TOR2A: variants seen among roughly 807,000 people sequenced by gnomAD.
TOR2A encodes the protein torsin family 2 member A, also known as prosalusin.
TOR2A carries 24 observed loss-of-function variants against 28.6 expected under a neutral mutation model. That is an observed-to-expected ratio of 0.84 (90% CI 0.61 to 1.18). The LOEUF (loss-of-function observed/expected upper bound fraction) is 1.18, where lower values mean the gene tolerates loss of function less well. TOR2A is among the 50% of genes most tolerant of loss of function. The probability of loss-of-function intolerance (pLI) is 0.00; values close to 1 mark genes in which losing one functional copy is unlikely to be tolerated. For missense variants in TOR2A, 426 were observed against 448.1 expected (o/e 0.95, Z 0.45); for synonymous variants, 203 against 203.1 (o/e 1.00, Z 0.00).
Position 127,731,530 on chromosome 9 carries a change from C to T in TOR2A, c.*504G>A. 1.2e-5 allele frequency: 17 copies of T among 1,465,378 alleles called. No individual in the cohort carries two copies. The highest frequency in any genetic ancestry group is 1.4e-5 in the Non-Finnish European group (16 of 1,110,960). 90.8% of individuals were successfully genotyped at this position (1,465,378 alleles called of 1,614,324 possible). ...AAAGTCTTAGCAACAGTCCTCTGGT[C>T]CCACAGCTGAGTTTATTATACTTGT... On this transcript the variant is annotated 3_prime_UTR_variant, in exon 5 of 5. Transcript: ENST00000373284.
chr9:127,732,980 C>G, intron 3 of TOR2A: 1 of 1,380,314 alleles, frequency 7.2e-7, no homozygotes, highest in Non-Finnish European at 9.5e-7. Context: ...TTATTGGCCC[C>G]GCTGTTCAGA....
chr9:127,732,421 C>A (rs1844478386), intron 4 of TOR2A, 143 bp from the exon 5 acceptor site: 2 of 1,447,768 alleles, frequency 1.4e-6, no homozygotes, highest in Admixed American at 5.4e-5. Context: ...GGCTGTAAGG[C>A]TCACCCAAAG....
chr9:127,733,000 AGAGGCT>A, intron 3 of TOR2A: 3 of 1,372,894 alleles, frequency 2.2e-6, no homozygotes, highest in African/African-American at 1.5e-5. Flanking sequence ...AAGCAGAGAC[AGAGGCT>A]CAGAGAGGCG....
At chr9:127,732,941 T>C in intron 3 of TOR2A, 1 of 1,406,522 alleles carries the variant, frequency 7.1e-7, no homozygotes, top group South Asian at 1.6e-5. Context: ...TTTCCCTCAC[T>C]GAACTTCCAG....
intron 2 of TOR2A, 158 bp from the exon 3 acceptor site, chr9:127,733,718 T>G (rs986383490): frequency 1.4e-6 from 1 of 711,518 alleles, no homozygotes; most frequent in Non-Finnish European, 2.3e-6. Flanking sequence ...GTATCCCAGA[T>G]TGGGGCAGAG....
At position 127,733,225 on chromosome 9, in the gene TOR2A, C is replaced by T. The variant is rs145839711; in HGVS notation, c.593+160G>A. 1.4e-3 allele frequency: 2,176 copies of T among 1,605,346 alleles called. 3 individuals carry two copies. The highest frequency in any genetic ancestry group is 1.7e-3 in the Non-Finnish European group (2,030 of 1,174,128). On this transcript the variant is annotated intron_variant, in intron 3 of 4. Transcript: ENST00000373284. ...AATGTCCAAAGGGAAATCAACCAGG[C>T]GGAATGACAATGTCATCTCTGAGAG...
intron 3 of TOR2A, 92 bp from the exon 4 acceptor site, chr9:127,732,783 G>T: frequency 6.7e-7 from 1 of 1,499,906 alleles, no homozygotes; most frequent in East Asian, 2.5e-5. Flanking sequence ...CCTGACATAG[G>T]AACATGGCTC....
chr9:127,732,629 C>A lies in TOR2A; in HGVS notation c.656G>T (p.Arg219Leu), dbSNP rs371270860. 10 of 1,574,080 alleles carry A rather than the reference C, an allele frequency of 6.4e-6. 1 individual carries two copies. Among genetic ancestry groups the A allele is most frequent in the African/African-American group, 4.0e-5 (3 of 74,188 alleles). Residue 219 changes from arginine (R) to leucine (L), a missense_variant, in exon 4 of 5, where the codon CGC (arginine) becomes CTC (leucine). Arg to Leu is a moderately radical substitution (Grantham distance 102). Coordinates refer to ENST00000373284, the MANE Select transcript of TOR2A (RefSeq NM_001085347.3). ...CAGCTCCTGCAGGAGGATCTCCTCG[C>A]GGTCCCGCCGGCTGCGCCACGCCTC... The part of the protein sequence containing the change: ...ALEAWRSRRD[R>L]EEILLQELEP...
Position 127,732,053 on chromosome 9 carries a change from C to G in TOR2A, c.947G>C (p.Arg316Pro). 6.2e-7 allele frequency: 1 copy of G among 1,613,406 alleles called. No individual in the cohort carries two copies. The highest frequency in any genetic ancestry group is 1.7e-4 in the Middle Eastern group (1 of 6,060). ...AGAGAGTCAGAGGAAGAAGGCGATTCGGGAGGCCACGGTCTTGCAGCCGTT... is the reference window on the plus strand; with the variant it reads ...AGAGAGTCAGAGGAAGAAGGCGATTGGGGAGGCCACGGTCTTGCAGCCGTT... ...SSNGCKTVAS[R>P]IAFFL Residue 316 changes from arginine to proline, a missense_variant, in exon 5 of 5, where the codon CGA becomes CCA. By Grantham distance (103) the Arg-to-Pro change is moderately radical. Transcript: ENST00000373284.
intron 3 of TOR2A, chr9:127,733,157 AAAG>A: frequency 6.5e-7 from 1 of 1,549,466 alleles, no homozygotes; most frequent in South Asian, 1.2e-5. Flanking sequence ...GGGCTTCCAC[AAAG>A]AAGTGGCGAT....
Position 127,731,683 on chromosome 9 carries a change from G to A in TOR2A, c.*351C>T, listed in dbSNP as rs1333160876. The A allele has an allele frequency of 6.4e-6, 5 of 786,998 alleles. No individual in the cohort carries two copies. In the East Asian group the frequency reaches 1.2e-4, roughly 19 times the overall value. The allele number at this position is 786,998 out of a possible 1,614,324, so 48.8% of individuals were successfully genotyped here. A position where few individuals can be genotyped will look rare whatever the true frequency, so the allele number is the denominator to read the frequency against. ...ACAGGGTGTGGGGTGGAGGGGAGGA[G>A]GTATGGTGCCCGACCAAGGAGGCAA... On this transcript the variant is annotated 3_prime_UTR_variant, in exon 5 of 5. Transcript: ENST00000373284.
Position 127,734,370 on chromosome 9 carries a change from G to A in TOR2A, c.346C>T (p.Arg116Cys), listed in dbSNP as rs757053702. ...LAHYLFQGGLRSPRVHHFSPV... is the reference protein window; with the variant it reads ...LAHYLFQGGLCSPRVHHFSPV... ...GAAAAGTGGTGCACGCGGGGGCTGC[G>A]GAGGCCGCCCTGGAAGAGGTAGTGC... Residue 116 changes from arginine (R) to cysteine (C), a missense_variant, in exon 2 of 5, where the codon CGC becomes TGC. Transcript: ENST00000373284. 10 of 1,612,328 alleles carry A rather than the reference G, an allele frequency of 6.2e-6. No individual in the cohort carries two copies. The African/African-American group carries it at 8.0e-5, about 13-fold the overall frequency.
intron 3 of TOR2A, 75 bp downstream of exon 3, chr9:127,733,310 C>A (rs750627759): frequency 2.5e-6 from 4 of 1,613,386 alleles, no homozygotes; most frequent in Middle Eastern, 1.6e-4. Context: ...CTGCTGGGAG[C>A]ACAGGCTAAG....
rs114990094 is a variant in TOR2A, at chr9:127,732,207, G to T, written c.793C>A (p.Arg265=). 1 of 1,611,914 alleles carries T rather than the reference G, an allele frequency of 6.2e-7. No homozygotes were observed. Among genetic ancestry groups the T allele is most frequent in the Non-Finnish European group, 8.5e-7 (1 of 1,179,086 alleles). The part of the protein sequence containing the change: ...DAVVPFLPLQ[R]HHVRHCVLNE... ...AGCACGCAGTGCCGGACGTGGTGCC[G>T]CTGGAGCGGGAGGAAGGGCACCACT... The change falls in exon 5 of 5, where the codon CGG becomes AGG. Residue 265 remains arginine, a synonymous_variant. Coordinates refer to ENST00000373284, the MANE Select transcript of TOR2A (RefSeq NM_001085347.3).
At chr9:127,732,928 G>A in intron 3 of TOR2A, 1 of 1,411,582 alleles carries the variant, frequency 7.1e-7, no homozygotes, top group African/African-American at 1.4e-5. Flanking sequence ...TCCCTCAACT[G>A]ACTTTCCCTC....
Position 127,734,383 on chromosome 9 carries a change from G to A in TOR2A, c.333C>T (p.Phe111=), listed in dbSNP as rs920387640. 5 of 1,612,640 alleles carry A rather than the reference G, an allele frequency of 3.1e-6. No homozygotes were observed. The African/African-American group carries it at 6.7e-5, about 22-fold the overall frequency. Residue 111 remains phenylalanine, a synonymous_variant, in exon 2 of 5, where the codon TTC becomes TTT. Coordinates refer to ENST00000373284, the MANE Select transcript of TOR2A (RefSeq NM_001085347.3). ...YVSSLLAHYL[F]QGGLRSPRVH... is the part of the protein sequence containing the mutation. The stretch of plus-strand genomic sequence containing the variant: ...CGCGGGGGCTGCGGAGGCCGCCCTG[G>A]AAGAGGTAGTGCGCCAGCAGGGAGC...
chr9:127,733,892 A>G, intron 2 of TOR2A: 1 of 423,500 alleles, frequency 2.4e-6, no homozygotes, highest in South Asian at 4.2e-5. Context: ...GAAACTGATC[A>G]GCCTGGTGGG....
Position 127,731,949 on chromosome 9 carries a change from GGT to G in TOR2A, c.*83_*84del. ...AGCCGACACTCCGTTCATCTCACTT[GGT>G]GCTCTGGGTTCCTGTGACAGAGGCC... On this transcript the variant is annotated 3_prime_UTR_variant, in exon 5 of 5. Transcript: ENST00000373284. 1 of 1,529,942 alleles carries G rather than the reference GGT, an allele frequency of 6.5e-7. No individual in the cohort carries two copies. Among genetic ancestry groups the G allele is most frequent in the Non-Finnish European group, 8.8e-7 (1 of 1,140,204 alleles). 94.8% of individuals were successfully genotyped at this position (1,529,942 alleles called of 1,614,324 possible). A position where few individuals can be genotyped will look rare whatever the true frequency, so the allele number is the denominator to read the frequency against.
Position 127,735,257 on chromosome 9 carries a change from G to A in TOR2A, c.14C>T (p.Thr5Met). 1 of 1,406,260 alleles carries A rather than the reference G, an allele frequency of 7.1e-7. No individual in the cohort carries two copies. The allele number at this position is 1,406,260 out of a possible 1,614,324, so 87.1% of individuals were successfully genotyped here. Residue 5 changes from threonine to methionine, a missense_variant, in exon 1 of 5, where the codon ACG becomes ATG. By Grantham distance (81) the Thr-to-Met change is moderately conservative. Coordinates refer to ENST00000373284, the MANE Select transcript of TOR2A (RefSeq NM_001085347.3). MAAATRGCRPWGSLL... is the reference protein window; with the variant it reads MAAAMRGCRPWGSLL... ...CGAGCCCCAGGGCCGGCAGCCGCGCGTCGCAGCCGCCATCCGGGTGAGGCC... is the reference window on the plus strand; with the variant it reads ...CGAGCCCCAGGGCCGGCAGCCGCGCATCGCAGCCGCCATCCGGGTGAGGCC...
Sources: gnomAD v4.1 joint callset for allele counts on GRCh38, gnomAD v4.1.1 for gene constraint, MANE v1.5 for transcripts, NCBI Gene and HGNC (gene_info 2026-07-23, HGNC 2026-07-21) for gene names.